Variants in ROBO1 observed in about 807,000 individuals in gnomAD.
ROBO1 encodes the protein roundabout homolog 1.
ROBO1 carries 149 observed loss-of-function variants against 195.9 expected under a neutral mutation model. That is an observed-to-expected ratio of 0.76 (90% CI 0.67 to 0.87). ROBO1 has a LOEUF of 0.87. ROBO1 is among the 40% of genes least tolerant of loss of function. ROBO1 has a pLI of 0.00. For missense variants in ROBO1, 1,933 were observed against 2,068.3 expected (o/e 0.93, Z 1.27); for synonymous variants, 816 against 733.2 (o/e 1.11, Z -1.82).
At chr3:79,732,503 G>A (rs4856297) in intron 1 of ROBO1, among the ~76,000 whole-genome samples, 1 of 151,844 alleles carries the variant, frequency 6.6e-6, no homozygotes, top group Non-Finnish European at 1.5e-5. Flanking sequence ...AAATCTTGCT[G>A]TCTGTTCCCA....
Position 79,760,236 on chromosome 3 carries a change from C to CAAAAAAAAA in ROBO1, c.-51+7507_-51+7515dup, listed in dbSNP as rs11451206. Among the ~76,000 whole-genome samples the CAAAAAAAAA allele has an allele frequency of 5.3e-3, 24 of 4,516 alleles. 7 individuals carry two copies. The highest frequency in any genetic ancestry group is 8.6e-3 in the Non-Finnish European group (20 of 2,332). The allele number at this position is 4,516 out of a possible 152,430, so 3.0% of individuals were successfully genotyped here. ...TGGGTGAGACAGTGAGACCCTATCT[C>CAAAAAAAAA]AAAAAAAAAAAAAAAAAAAAAAAAA... On this transcript the variant is annotated intron_variant, in intron 1 of 30. Transcript: ENST00000464233.
intron 2 of ROBO1, among the ~76,000 whole-genome samples, chr3:79,267,332 A>G (rs1168155119): frequency 6.6e-6 from 1 of 151,498 alleles, no homozygotes; most frequent in Non-Finnish European, 1.5e-5. Context: ...TTGCCACTCC[A>G]TTTCAGAGTC....
chr3:78,677,670 A>G (rs1708522125), intron 10 of ROBO1, among the ~76,000 whole-genome samples: 1 of 152,006 alleles, frequency 6.6e-6, no homozygotes, highest in Admixed American at 6.6e-5. Flanking sequence ...CCAGATTCAT[A>G]AAGCAAGTCC....
chr3:79,116,513 TTC>T (rs985015624), intron 3 of ROBO1, among the ~76,000 whole-genome samples: 1 of 149,734 alleles, frequency 6.7e-6, no homozygotes, highest in Admixed American at 6.7e-5. Flanking sequence ...TTTCTTTTCT[TTC>T]TCTCTTTCTT....
At chr3:79,684,821 G>T (rs1048666530) in intron 1 of ROBO1, among the ~76,000 whole-genome samples, 1 of 151,844 alleles carries the variant, frequency 6.6e-6, no homozygotes, top group Non-Finnish European at 1.5e-5. Flanking sequence ...GACTATAGGT[G>T]CACGCTGCCA....
At chr3:78,876,391 A>T (rs2035848997) in intron 4 of ROBO1, among the ~76,000 whole-genome samples, 2 of 152,142 alleles carry the variant, frequency 1.3e-5, no homozygotes, top group Non-Finnish European at 2.9e-5. Flanking sequence ...AATTAACTTG[A>T]TTATGTGTTG....
chr3:79,187,690 C>G (rs962584108), intron 2 of ROBO1, among the ~76,000 whole-genome samples: 1 of 151,982 alleles, frequency 6.6e-6, no homozygotes, highest in South Asian at 2.1e-4. Context: ...TAATCTGGCT[C>G]GTATATAATC....
chr3:79,187,795 C>A (rs1456490476), intron 2 of ROBO1, among the ~76,000 whole-genome samples: 1 of 151,914 alleles, frequency 6.6e-6, no homozygotes, highest in Admixed American at 6.6e-5. Context: ...AGAAACAAAC[C>A]TGAATTTATT....
chr3:79,664,348 A>G (rs1303034785), intron 1 of ROBO1, among the ~76,000 whole-genome samples: 3 of 151,924 alleles, frequency 2.0e-5, no homozygotes, highest in African/African-American at 7.2e-5. Flanking sequence ...TGAGTAGACA[A>G]TCAGTACTTT....
At chr3:79,283,963 C>T (rs970552515) in intron 2 of ROBO1, among the ~76,000 whole-genome samples, 8 of 152,030 alleles carry the variant, frequency 5.3e-5, no homozygotes, top group Non-Finnish European at 1.5e-5. Context: ...TCCCAAAGTG[C>T]TGGGATTACA....
chr3:78,731,324 T>C (rs1395491794), intron 5 of ROBO1, among the ~76,000 whole-genome samples: 2 of 152,112 alleles, frequency 1.3e-5, no homozygotes, highest in Admixed American at 6.5e-5. Context: ...CAGAATCTTG[T>C]GCATCCTAGG....
intron 29 of ROBO1, 79 bp downstream of exon 29, chr3:78,606,654 C>T (rs1703472705): frequency 7.1e-7 from 1 of 1,402,170 alleles, no homozygotes; most frequent in Non-Finnish European, 9.8e-7. Context: ...CCACTTTTTA[C>T]ATGGCCATAT....
At chr3:79,006,837 T>C (rs2077635708) in intron 3 of ROBO1, among the ~76,000 whole-genome samples, 1 of 150,558 alleles carries the variant, frequency 6.6e-6, no homozygotes, top group Non-Finnish European at 1.5e-5. Context: ...GATGGTTCAG[T>C]GGGAAATAAA....
intron 3 of ROBO1, among the ~76,000 whole-genome samples, chr3:78,951,438 C>A (rs760287566): frequency 6.6e-6 from 1 of 151,944 alleles, no homozygotes; most frequent in Admixed American, 6.6e-5. Flanking sequence ...AAATTTCTAT[C>A]CCAATTGGCA....
intron 4 of ROBO1, among the ~76,000 whole-genome samples, chr3:78,868,599 A>T (rs992998709): frequency 1.3e-5 from 2 of 152,204 alleles, no homozygotes; most frequent in Non-Finnish European, 2.9e-5. Context: ...CCAAAGGTAG[A>T]GACAAAACTA....
chr3:78,959,097 G>A (rs995357983), intron 3 of ROBO1, among the ~76,000 whole-genome samples: 6 of 151,716 alleles, frequency 4.0e-5, no homozygotes, highest in Admixed American at 1.3e-4. Context: ...GCACTGTACC[G>A]GCCCACCCTT....
intron 3 of ROBO1, among the ~76,000 whole-genome samples, chr3:79,004,590 C>T (rs1048166083): frequency 2.6e-5 from 4 of 152,064 alleles, no homozygotes; most frequent in South Asian, 2.1e-4. Context: ...TAAGGTTTAC[C>T]GGAAGATGAG....
At chr3:78,779,885 G>C (rs777975991) in intron 4 of ROBO1, among the ~76,000 whole-genome samples, 37 of 152,230 alleles carry the variant, frequency 2.4e-4, no homozygotes, top group Middle Eastern at 3.4e-3. Flanking sequence ...ACTGGATAAA[G>C]AAAATATGGC....
chr3:79,127,412 G>A (rs2080237043), intron 2 of ROBO1, among the ~76,000 whole-genome samples: 1 of 152,176 alleles, frequency 6.6e-6, no homozygotes, highest in Admixed American at 6.6e-5. Context: ...CTACAATCTT[G>A]TTTTAAATGA....
Sources: allele counts gnomAD v4.1 joint callset (sites outside exome capture counted in the v4.1 genomes callset), GRCh38; gene constraint gnomAD v4.1.1; transcripts MANE v1.5; gene names NCBI Gene and HGNC (gene_info 2026-07-23, HGNC 2026-07-21).